The following MIP variants were observed in gnomAD, a reference collection of about 807,000 sequenced individuals.
MIP encodes the protein major intrinsic protein of lens fiber.
A neutral mutation model predicts 21.8 loss-of-function variants in MIP; 14 were observed. The ratio of observed to expected loss-of-function variants is 0.64; its 90% CI spans 0.42 to 1.00. The LOEUF (loss-of-function observed/expected upper bound fraction) is 1.00. MIP is among the 50% of genes least tolerant of loss of function. The probability of loss-of-function intolerance (pLI) is 0.00; values close to 1 mark genes in which losing one functional copy is unlikely to be tolerated. For synonymous variants in MIP, 133 were observed against 141.4 expected, an observed-to-expected ratio of 0.94 and a Z score of 0.42; for missense variants, 260 against 333.5, an observed-to-expected ratio of 0.78 and a Z score of 1.72.
At chr12:56,453,798 C>T (rs761927682) in intron 1 of MIP, 43 bp from the exon 2 acceptor site, 9 of 1,591,872 alleles carry the variant, frequency 5.7e-6, no homozygotes, top group Non-Finnish European at 7.7e-6. Flanking sequence ...GGAGGGCTGC[C>T]ACAGTGTTAC....
chr12:56,454,181 G>C, intron 1 of MIP, 73 bp downstream of exon 1: 1 of 1,600,048 alleles, frequency 6.2e-7, no homozygotes, highest in Non-Finnish European at 8.6e-7. Flanking sequence ...TGATTCACCT[G>C]CACCAGTCAG....
At chr12:56,453,186 C>G (rs780977138) in intron 2 of MIP, 34 bp from the exon 3 acceptor site, 3 of 1,441,268 alleles carry the variant, frequency 2.1e-6, no homozygotes, top group Admixed American at 1.7e-5. Context: ...GAGACACCCC[C>G]CTACTGCACC....
chr12:56,450,846 T>C lies in MIP; in HGVS notation c.*434A>G, dbSNP rs1868577430. 1.6e-5 allele frequency: 3 copies of C among 185,512 alleles called. No homozygotes were observed. In the South Asian group the frequency reaches 2.9e-4, roughly 18 times the overall value. The allele number at this position is 185,512 out of a possible 1,614,324, so 11.5% of individuals were successfully genotyped here. ...TGAGGAGTAACTCCCTGCTTCTCTG[T>C]TCCCTCAGAAATCAAGAGCCACACA... On this transcript the variant is annotated 3_prime_UTR_variant, in exon 4 of 4. Transcript: ENST00000652304.
In MIP at chr12:56,454,314, C is replaced by T. The variant is rs752401892; in HGVS notation, c.300G>A (p.Gly100=). ...GGGTAACGCTATACAGCACAGCGGCCCCAGCCACAGCTCCCAGGAGCTGGG... is the reference window on the plus strand; with the variant it reads ...GGGTAACGCTATACAGCACAGCGGCTCCAGCCACAGCTCCCAGGAGCTGGG... The part of the protein sequence containing the change: ...MAAQLLGAVA[G]AAVLYSVTPP... Residue 100 remains glycine, a synonymous_variant, in exon 1 of 4, where the codon GGG becomes GGA. Transcript: ENST00000652304. 4 of 1,613,986 alleles carry T rather than the reference C, an allele frequency of 2.5e-6. No homozygotes were observed. In the South Asian group the frequency reaches 3.3e-5, roughly 13 times the overall value.
rs762736739 is a variant in MIP at position 56,454,459 on chromosome 12, A to G, written c.155T>C (p.Leu52Pro). 1.9e-6 allele frequency: 3 copies of G among 1,613,804 alleles called. No homozygotes were observed. The highest frequency in any genetic ancestry group is 2.5e-6 in the Non-Finnish European group (3 of 1,179,756). ...LQVAMAFGLA[L>P]ATLVQSVGHI... ...GCCCACAGACTGCACCAGTGTAGCC[A>G]GGGCCAAGCCAAATGCCATAGCCAC... Residue 52 changes from leucine (L) to proline (P), a missense_variant, in exon 1 of 4, where the codon CTG (leucine) becomes CCG (proline). Physicochemically the swap from Leu to Pro is moderately conservative, Grantham distance 98. Transcript: ENST00000652304.
chr12:56,455,463 C>A (rs1868765388), upstream of MIP, among the ~76,000 whole-genome samples: 1 of 152,110 alleles, frequency 6.6e-6, no homozygotes, highest in African/African-American at 2.4e-5. Context: ...CTCACATGGT[C>A]ATAGCAAGAA....
At chr12:56,451,977 G>A (rs562861569) in intron 3 of MIP, among the ~76,000 whole-genome samples, 1 of 152,330 alleles carries the variant, frequency 6.6e-6, no homozygotes, top group East Asian at 1.9e-4. Context: ...AGGAGGCGGA[G>A]GTTGCAGTGA....
chr12:56,453,985 G>C (rs1245550313), intron 1 of MIP, among the ~76,000 whole-genome samples: 1 of 152,134 alleles, frequency 6.6e-6, no homozygotes, highest in Admixed American at 6.5e-5. Context: ...GGCCTTGAAA[G>C]GTAAAATAAG....
intron 3 of MIP, 187 bp downstream of exon 3, chr12:56,452,885 G>T: frequency 1.6e-6 from 1 of 643,718 alleles, no homozygotes; most frequent in Middle Eastern, 4.1e-4. Context: ...ATGAGCAAGA[G>T]CCTCTCCTTC....
At chr12:56,454,221 C>G (rs764848746) in intron 1 of MIP, 33 bp downstream of exon 1, 2 of 1,613,828 alleles carry the variant, frequency 1.2e-6, no homozygotes, top group Non-Finnish European at 1.7e-6. Flanking sequence ...GACAGGACAC[C>G]AGGTTCCCCA....
upstream of MIP, among the ~76,000 whole-genome samples, chr12:56,456,434 C>T (rs967838423): frequency 1.3e-5 from 2 of 152,004 alleles, no homozygotes; most frequent in Non-Finnish European, 2.9e-5. Flanking sequence ...GTCAGGAGTT[C>T]GAGACCAGCC....
In MIP at chr12:56,454,265, C is replaced by A. The variant is rs1240287821; in HGVS notation, c.349G>T (p.Ala117Ser). ...VTPPAVRGNLALNTLHPAVSV... is the reference protein window; with the variant it reads ...VTPPAVRGNLSLNTLHPAVSV... Reference sequence around the variant, plus strand: ...CAGCCAACCATTACCGTGTTGAGTGCTAGGTTTCCTCGGACAGCAGGTGGG... The same window carrying A: ...CAGCCAACCATTACCGTGTTGAGTGATAGGTTTCCTCGGACAGCAGGTGGG... The change falls in exon 1 of 4, where the codon GCA (alanine) becomes TCA (serine). Residue 117 changes from alanine (A) to serine (S), a missense_variant. Ala to Ser is a moderately conservative substitution (Grantham distance 99, BLOSUM62 1). Coordinates refer to ENST00000652304, the MANE Select transcript of MIP (RefSeq NM_012064.4). The A allele has an allele frequency of 6.2e-7, 1 of 1,614,102 alleles. No homozygotes were observed. The highest frequency in any genetic ancestry group is 1.1e-5 in the South Asian group (1 of 91,076).
chr12:56,454,689 G>T, upstream of MIP: 1 of 1,598,126 alleles, frequency 6.3e-7, no homozygotes, highest in Non-Finnish European at 8.5e-7. Flanking sequence ...CCCCTTTATA[G>T]AGGACTCTTA....
chr12:56,451,761 C>T (rs1336199204), intron 3 of MIP, among the ~76,000 whole-genome samples: 8 of 152,186 alleles, frequency 5.3e-5, no homozygotes, highest in Non-Finnish European at 1.2e-4. Flanking sequence ...GGCGCAGTGG[C>T]TTATGCCTGT....
chr12:56,451,823 C>A (rs1031744346), intron 3 of MIP, among the ~76,000 whole-genome samples: 9 of 152,142 alleles, frequency 5.9e-5, no homozygotes, highest in Non-Finnish European at 1.0e-4. Context: ...ACGGGCGGAT[C>A]ACAAGGTCAG....
Position 56,454,285 on chromosome 12 carries a change from G to C in MIP, c.329C>G (p.Pro110Arg). Residue 110 changes from proline (P) to arginine (R), a missense_variant, in exon 1 of 4, where the codon CCT becomes CGT. Coordinates refer to ENST00000652304, the MANE Select transcript of MIP (RefSeq NM_012064.4). ...GAAVLYSVTP[P>R]AVRGNLALNT... ...GAGTGCTAGGTTTCCTCGGACAGCA[G>C]GTGGGGTAACGCTATACAGCACAGC... 1.9e-6 allele frequency: 3 copies of C among 1,614,134 alleles called. No individual in the cohort carries two copies. The highest frequency in any genetic ancestry group is 2.5e-6 in the Non-Finnish European group (3 of 1,180,014).
At position 56,453,764 on chromosome 12, in the gene MIP, A is replaced by T. The variant is rs1868699270; in HGVS notation, c.361-9T>A. ...CTCACCGCAGGGTGCAACTGTGCAA[A>T]GGAAGAAGAAGAGAGACAGCTCAGG... On this transcript the variant is annotated splice_polypyrimidine_tract_variant and intron_variant, in intron 1 of 3. Transcript: ENST00000652304. The T allele has an allele frequency of 6.2e-7, 1 of 1,611,788 alleles. No individual in the cohort carries two copies. The highest frequency in any genetic ancestry group is 1.1e-5 in the South Asian group (1 of 90,744).
intron 3 of MIP, 179 bp downstream of exon 3, chr12:56,452,893 T>G: frequency 1.5e-6 from 1 of 657,704 alleles, no homozygotes; most frequent in Non-Finnish European, 2.8e-6. Context: ...GAGCCTCTCC[T>G]TCTAGCAAAA....
chr12:56,456,418 C>T (rs1022222438), upstream of MIP, among the ~76,000 whole-genome samples: 1 of 152,132 alleles, frequency 6.6e-6, no homozygotes, highest in Non-Finnish European at 1.5e-5. Context: ...GGGTGGATCA[C>T]CTGAGGTCAG....
Sources: allele counts gnomAD v4.1 joint callset (sites outside exome capture counted in the v4.1 genomes callset), GRCh38; gene constraint gnomAD v4.1.1; transcripts MANE v1.5; gene names NCBI Gene and HGNC (gene_info 2026-07-23, HGNC 2026-07-21).